The following AOPEP variants were observed in gnomAD, a reference collection of about 807,000 sequenced individuals.
AOPEP encodes aminopeptidase O.
In AOPEP, 77 loss-of-function variants were observed where a neutral mutation model predicts 98.1. The observed-to-expected ratio is 0.78, with a 90% CI of 0.65 to 0.95. The LOEUF (loss-of-function observed/expected upper bound fraction) is 0.95. AOPEP is among the 40% of genes least tolerant of loss of function. The pLI is 0.00. For synonymous variants in AOPEP, 346 were observed against 365.3 expected (o/e 0.95, Z 0.60); for missense variants, 1,024 against 1,024.7 (o/e 1.00, Z 0.01).
chr9:94,826,734 G>C (rs1175420323), intron 5 of AOPEP, among the ~76,000 whole-genome samples: 2 of 152,154 alleles, frequency 1.3e-5, no homozygotes, highest in African/African-American at 4.8e-5. Context: ...GTAATGTGGG[G>C]AAGGAGAAGA....
intron 2 of AOPEP, among the ~76,000 whole-genome samples, chr9:94,766,804 CTT>C (rs1839731340): frequency 6.6e-6 from 1 of 152,068 alleles, no homozygotes; most frequent in Non-Finnish European, 1.5e-5. Context: ...AACATTTAAA[CTT>C]TTGTAAAACA....
intron 5 of AOPEP, among the ~76,000 whole-genome samples, chr9:94,919,104 C>G (rs1295354561): frequency 5.3e-5 from 8 of 152,026 alleles, no homozygotes; most frequent in African/African-American, 1.2e-4. Flanking sequence ...TTAGTACAGA[C>G]AGGGTTTCAC....
intron 14 of AOPEP, among the ~76,000 whole-genome samples, chr9:95,077,794 C>T (rs1274926455): frequency 6.6e-6 from 1 of 152,144 alleles, no homozygotes; most frequent in African/African-American, 2.4e-5. Context: ...TGATGTCATC[C>T]CCACTCCCTG....
chr9:94,954,382 C>G (rs1324396160), intron 7 of AOPEP, among the ~76,000 whole-genome samples: 1 of 152,158 alleles, frequency 6.6e-6, no homozygotes, highest in Non-Finnish European at 1.5e-5. Context: ...TTTTGGCTTC[C>G]CTGGGCCACA....
At chr9:94,730,822 A>G (rs765882130) in intron 1 of AOPEP, among the ~76,000 whole-genome samples, 9 of 152,242 alleles carry the variant, frequency 5.9e-5, no homozygotes, top group Non-Finnish European at 1.0e-4. Context: ...GAATTAGGAC[A>G]TAGTTGGGTC....
the AOPEP span, among the ~76,000 whole-genome samples, chr9:95,104,206 G>A: frequency 2.6e-5 from 4 of 152,206 alleles, no homozygotes; most frequent in South Asian, 2.1e-4. Context: ...CGCGGCCACC[G>A]CAGCGAAGGC....
At chr9:94,931,372 A>T (rs2055272924) in intron 7 of AOPEP, among the ~76,000 whole-genome samples, 1 of 152,190 alleles carries the variant, frequency 6.6e-6, no homozygotes, top group Admixed American at 6.5e-5. Flanking sequence ...CTGCATTTGA[A>T]AGGCTTATTG....
At chr9:94,926,602 C>A (rs563492906) in intron 6 of AOPEP, among the ~76,000 whole-genome samples, 57 of 152,336 alleles carry the variant, frequency 3.7e-4, no homozygotes, top group South Asian at 6.2e-4. Flanking sequence ...CTGGCGAGTG[C>A]CTGCCTCAGA....
chr9:95,021,873 T>TG (rs566764866), intron 13 of AOPEP: 1 of 152,336 alleles, frequency 6.6e-6, no homozygotes, highest in South Asian at 2.1e-4. Context: ...AGTGTAAAGG[T>TG]GGAGCAAGTA....
chr9:94,922,759 C>A (rs931031700), intron 5 of AOPEP, among the ~76,000 whole-genome samples: 3 of 152,172 alleles, frequency 2.0e-5, no homozygotes, highest in East Asian at 1.9e-4. Context: ...CTCTTCAGAG[C>A]ACCTGGCAGA....
intron 14 of AOPEP, 77 bp from the exon 15 acceptor site, chr9:95,080,617 G>C: frequency 1.1e-6 from 1 of 944,194 alleles, no homozygotes; most frequent in South Asian, 1.3e-5. Context: ...GGAATACAGA[G>C]GCTGCCTGTC....
chr9:95,067,702 A>T (rs927927434), intron 14 of AOPEP, among the ~76,000 whole-genome samples: 9 of 152,224 alleles, frequency 5.9e-5, no homozygotes, highest in African/African-American at 2.2e-4. Context: ...GCTATAATTC[A>T]CATACCATGA....
At chr9:95,101,860 G>A in the AOPEP span, 4 of 1,613,718 alleles carry the variant, frequency 2.5e-6, no homozygotes, top group East Asian at 8.9e-5. Flanking sequence ...TCTGCAATCA[G>A]GACAGAAGAG....
At chr9:94,989,337 C>T (rs183623978) in intron 11 of AOPEP, among the ~76,000 whole-genome samples, 45 of 152,144 alleles carry the variant, frequency 3.0e-4, no homozygotes, top group Admixed American at 1.3e-3. Flanking sequence ...CTCCTGACCT[C>T]GAGATCCGCC....
rs114825859 is a variant in AOPEP, at chr9:95,082,677, A to G, written c.2422A>G (p.Arg808Gly). ...CFERTKEQMD[R>G]SSAQVVAEML... ...CGAGCGGACCAAGGAGCAGATGGAT[A>G]GGTCCTCAGCCCAGGTGGTGGCCGA... Residue 808 changes from arginine to glycine, a missense_variant, in exon 16 of 17, where the codon AGG (arginine) becomes GGG (glycine). Around this residue, in one of 3 missense-constraint regions of AOPEP, gnomAD observed 566 missense variants for 551.7 expected, o/e 1.03. Transcript: ENST00000375315. 1,182 of 1,614,236 alleles carry G rather than the reference A, an allele frequency of 7.3e-4. 18 individuals carry two copies. The African/African-American group carries it at 0.013, about 18-fold the overall frequency.
At chr9:94,919,604 CGA>C (rs2053309250) in intron 5 of AOPEP, among the ~76,000 whole-genome samples, 1 of 151,700 alleles carries the variant, frequency 6.6e-6, no homozygotes, top group African/African-American at 2.4e-5. Context: ...AATGTGTAGG[CGA>C]GAGTGTTGAC....
At chr9:95,125,034 A>T in the AOPEP span, 2 of 1,481,642 alleles carry the variant, frequency 1.3e-6, no homozygotes, top group African/African-American at 2.8e-5. Context: ...AAATACTCTC[A>T]ACAGCGTCTT....
chr9:94,902,353 G>A (rs1294868854), intron 5 of AOPEP, among the ~76,000 whole-genome samples: 1 of 152,186 alleles, frequency 6.6e-6, no homozygotes, highest in African/African-American at 2.4e-5. Flanking sequence ...TGGGGTTAGG[G>A]TGAGCAGGGT....
intron 5 of AOPEP, among the ~76,000 whole-genome samples, chr9:94,847,152 A>T (rs113078395): frequency 1.6e-4 from 22 of 140,560 alleles, no homozygotes; most frequent in Admixed American, 3.6e-4. Context: ...ACACACACAC[A>T]CTCTCTCTGT....
Sources: allele counts gnomAD v4.1 joint callset (sites outside exome capture counted in the v4.1 genomes callset), GRCh38; gene constraint gnomAD v4.1.1; regional missense constraint gnomAD v4.1.1; transcripts MANE v1.5; gene names NCBI Gene and HGNC (gene_info 2026-07-23, HGNC 2026-07-21).